The following LRP1B variants were observed in gnomAD, a reference collection of about 807,000 sequenced individuals.
LRP1B encodes the protein low-density lipoprotein receptor-related protein 1B.
In LRP1B, 217 loss-of-function variants were observed where a neutral mutation model predicts 556.6. The observed-to-expected ratio is 0.39, with a 90% confidence interval of 0.35 to 0.44. LRP1B has a LOEUF of 0.44. Among genes scored for constraint, LRP1B ranks in the 20% least tolerant of loss-of-function variants. The pLI, the probability that LRP1B is intolerant of heterozygous loss-of-function variation, is 1.00. For missense variants in LRP1B, 5,053 were observed against 5,620.8 expected, an observed-to-expected ratio of 0.90 and a Z score of 3.23; for synonymous variants, 2,047 against 1,865.8, an observed-to-expected ratio of 1.10 and a Z score of -2.50.
chr2:141,157,164 T>C lies in LRP1B; in HGVS notation c.1013+31257A>G, dbSNP rs567545143. On this transcript the variant is annotated intron_variant, in intron 7 of 90. Transcript: ENST00000389484. ...TATAAAAAGTATGTGTAACAGGATA[T>C]CAATTTTTATTTGCTCTCAAGTTTT... Among the ~76,000 whole-genome samples, 231 of 152,296 alleles carry C rather than the reference T, an allele frequency of 1.5e-3. 4 individuals carry two copies. Among genetic ancestry groups the C allele is most frequent in the African/African-American group, 5.4e-3 (224 of 41,592 alleles).
In LRP1B at chr2:141,734,375, T is replaced by C. The variant is rs192460809; in HGVS notation, c.205+75904A>G. Among the ~76,000 whole-genome samples, 114 of 152,218 alleles carry C rather than the reference T, an allele frequency of 7.5e-4. 1 individual carries two copies. Among genetic ancestry groups the C allele is most frequent in the Non-Finnish European group, 3.1e-4 (21 of 67,984 alleles). On this transcript the variant is annotated intron_variant, in intron 2 of 90. Transcript: ENST00000389484. ...TTCATGATTCTGTAATTAGCAGTTA[T>C]GTTTATCTTATCACCACTAAAGAAT...
At chr2:140,903,664 T>G (rs552884816) in intron 22 of LRP1B, among the ~76,000 whole-genome samples, 6 of 152,160 alleles carry the variant, frequency 3.9e-5, no homozygotes, top group East Asian at 3.9e-4. Context: ...CAGTCCATTT[T>G]GGAGTTAAAA....
chr2:141,857,375 C>T (rs1038873412), intron 1 of LRP1B, among the ~76,000 whole-genome samples: 1 of 152,002 alleles, frequency 6.6e-6, no homozygotes, highest in Non-Finnish European at 1.5e-5. Context: ...GGGTCTTGCT[C>T]TGTCACCCAG....
chr2:140,916,313 T>G, intron 21 of LRP1B, among the ~76,000 whole-genome samples: 1 of 152,166 alleles, frequency 6.6e-6, no homozygotes, highest in East Asian at 1.9e-4. Flanking sequence ...TCCAGATTGG[T>G]TTTCCACAAT....
intron 23 of LRP1B, chr2:140,898,503 C>G (rs1199829231): frequency 4.2e-6 from 1 of 236,796 alleles, no homozygotes; most frequent in Non-Finnish European, 8.5e-6. Flanking sequence ...GTGGGCTGAC[C>G]AAGTTCTCCT....
In LRP1B at chr2:141,211,295, C is replaced by CT. The variant is rs142787085; in HGVS notation, c.850+17887dup. On this transcript the variant is annotated intron_variant, in intron 6 of 90. Transcript: ENST00000389484. ...GAGACACCATGCCCAGCCCATTTTTCTTTTTTTTTAAAAAAAAAAAACAAA... is the reference window on the plus strand; with the variant it reads ...GAGACACCATGCCCAGCCCATTTTTCTTTTTTTTTTAAAAAAAAAAAACAAA... 1.2e-4 allele frequency among the ~76,000 whole-genome samples: 15 copies of CT among 124,584 alleles called. 1 individual carries two copies. The highest frequency in any genetic ancestry group is 3.0e-4 in the East Asian group (1 of 3,304). The allele number at this position is 124,584 out of a possible 152,430, so 81.7% of individuals were successfully genotyped here.
At chr2:140,877,946 A>G (rs915528438) in intron 25 of LRP1B, among the ~76,000 whole-genome samples, 4 of 152,200 alleles carry the variant, frequency 2.6e-5, no homozygotes, top group African/African-American at 9.6e-5. Context: ...TATGGGGTTC[A>G]CAGACAGCTT....
chr2:140,979,522 C>G (rs995239125), intron 18 of LRP1B, among the ~76,000 whole-genome samples: 2 of 152,004 alleles, frequency 1.3e-5, no homozygotes, highest in Admixed American at 1.3e-4. Flanking sequence ...GCATATCATC[C>G]TAATTCCACA....
intron 1 of LRP1B, among the ~76,000 whole-genome samples, chr2:142,006,441 C>A (rs895065431): frequency 6.6e-6 from 1 of 152,168 alleles, no homozygotes. Flanking sequence ...CACTAAAAAT[C>A]TTCTCTTCAT....
chr2:141,371,552 T>C (rs1442397310), intron 3 of LRP1B, among the ~76,000 whole-genome samples: 2 of 152,142 alleles, frequency 1.3e-5, no homozygotes, highest in African/African-American at 2.4e-5. Flanking sequence ...TCTTTCTTTC[T>C]TCAGGGTTTT....
chr2:140,412,169 C>G (rs749959329), intron 66 of LRP1B, among the ~76,000 whole-genome samples: 1 of 152,078 alleles, frequency 6.6e-6, no homozygotes, highest in Non-Finnish European at 1.5e-5. Context: ...ACTGTCTTAA[C>G]TAGGAATGAC....
chr2:141,792,333 T>A (rs981837021), intron 2 of LRP1B, among the ~76,000 whole-genome samples: 2 of 151,996 alleles, frequency 1.3e-5, no homozygotes, highest in East Asian at 3.9e-4. Context: ...TCTTGTCTAT[T>A]GAAATAATAA....
intron 7 of LRP1B, 129 bp from the exon 8 acceptor site, chr2:141,062,402 A>T: frequency 1.6e-6 from 1 of 613,018 alleles, no homozygotes; most frequent in East Asian, 2.8e-5. Flanking sequence ...GCTTCATATA[A>T]CCATTTCCTT....
At chr2:140,325,986 C>A (rs1680456434) in intron 79 of LRP1B, 108 bp from the exon 80 acceptor site, 3 of 697,512 alleles carry the variant, frequency 4.3e-6, no homozygotes, top group Non-Finnish European at 7.4e-6. Flanking sequence ...TGTCTTCAAG[C>A]ATCATAGAAA....
At chr2:141,507,470 G>A (rs1425946990) in intron 2 of LRP1B, among the ~76,000 whole-genome samples, 1 of 152,096 alleles carries the variant, frequency 6.6e-6, no homozygotes, top group Non-Finnish European at 1.5e-5. Flanking sequence ...TCTGTGTGAG[G>A]AAAGGATATC....
intron 59 of LRP1B, among the ~76,000 whole-genome samples, chr2:140,480,750 C>T (rs1001169291): frequency 4.6e-5 from 7 of 152,158 alleles, no homozygotes; most frequent in Non-Finnish European, 1.0e-4. Flanking sequence ...CTCTAACAGG[C>T]TATTGTCAGA....
chr2:140,810,741 T>C (rs1304905019), intron 32 of LRP1B, among the ~76,000 whole-genome samples: 1 of 152,194 alleles, frequency 6.6e-6, no homozygotes, highest in Non-Finnish European at 1.5e-5. Context: ...ACGAGGTTTT[T>C]TGTTGTTTGT....
chr2:141,685,664 C>T (rs550890310), intron 2 of LRP1B, among the ~76,000 whole-genome samples: 14 of 151,914 alleles, frequency 9.2e-5, no homozygotes, highest in African/African-American at 2.9e-4. Flanking sequence ...AAAGGTCAGG[C>T]AAAGAGAAGC....
At chr2:141,022,269 T>C (rs887061680) in intron 11 of LRP1B, among the ~76,000 whole-genome samples, 3 of 150,750 alleles carry the variant, frequency 2.0e-5, no homozygotes, top group Non-Finnish European at 3.0e-5. Flanking sequence ...TTTTTTAAGG[T>C]TGTTTTCTGT....
Sources: allele counts gnomAD v4.1 joint callset (sites outside exome capture counted in the v4.1 genomes callset), GRCh38; gene constraint gnomAD v4.1.1; transcripts MANE v1.5; gene names NCBI Gene and HGNC (gene_info 2026-07-23, HGNC 2026-07-21).